The following CDH19 variants were observed in gnomAD, a reference collection of about 807,000 sequenced individuals.
CDH19 encodes the protein cadherin 19.
CDH19 carries 67 observed loss-of-function variants against 64.2 expected under a neutral mutation model. The ratio of observed to expected loss-of-function variants is 1.04; its 90% CI spans 0.86 to 1.28. The LOEUF is 1.28. Among genes scored for constraint, CDH19 ranks in the 50% most tolerant of loss-of-function variants. The probability of loss-of-function intolerance (pLI) is 0.00; values close to 1 mark genes in which losing one functional copy is unlikely to be tolerated. For synonymous variants in CDH19, 346 were observed against 319.3 expected (o/e 1.08, Z -0.89); for missense variants, 1,030 against 929.0 (o/e 1.11, Z -1.41).
intron 11 of CDH19, among the ~76,000 whole-genome samples, chr18:66,508,753 T>TACACACTC (rs143663414): frequency 0.99 from 149,690 of 151,848 alleles, 73,818 homozygotes; most frequent in South Asian, 1. Flanking sequence ...GATGTGTACA[T>TACACACTC]ACATACTCAT....
At position 66,543,973 on chromosome 18, in the gene CDH19, G is replaced by T. The variant is rs1321523236; in HGVS notation, c.1212C>A (p.Ile404=). The stretch of plus-strand genomic sequence containing the variant: ...CAAAACTGACCTTACAGACATACCT[G>T]ATAGGAGATTTCCTATTGTCTGGGT... ...ATDPDNRKSP[I]RYSITRSKVF... Residue 404 remains isoleucine (I), a splice_region_variant and synonymous_variant, in exon 7 of 12, where the codon ATC becomes ATA. Transcript: ENST00000262150. The T allele has an allele frequency of 6.2e-7, 1 of 1,607,418 alleles. No homozygotes were observed. Among genetic ancestry groups the T allele is most frequent in the Admixed American group, 1.7e-5 (1 of 59,662 alleles).
intron 9 of CDH19, among the ~76,000 whole-genome samples, chr18:66,513,060 A>G (rs1253894731): frequency 6.6e-6 from 1 of 151,470 alleles, no homozygotes; most frequent in Admixed American, 6.6e-5. Flanking sequence ...AGGCATATGG[A>G]TATCTTTATA....
intron 1 of CDH19, among the ~76,000 whole-genome samples, chr18:66,574,705 G>C (rs1988214896): frequency 6.6e-6 from 1 of 151,470 alleles, no homozygotes; most frequent in Non-Finnish European, 1.5e-5. Flanking sequence ...CTTAAGCACA[G>C]GTGTTAAAAA....
rs568129713 is a variant in CDH19, at chr18:66,553,443, T to C, written c.610+962A>G. Among the ~76,000 whole-genome samples, 24 of 134,310 alleles carry C rather than the reference T, an allele frequency of 1.8e-4. 10 individuals are homozygous for C. The highest frequency in any genetic ancestry group is 7.5e-4 in the African/African-American group (22 of 29,272). 88.1% of individuals were successfully genotyped at this position (134,310 alleles called of 152,430 possible). A position where few individuals can be genotyped will look rare whatever the true frequency, so the allele number is the denominator to read the frequency against. ...ATTAAGAACATAGGTACTCAAATAA[T>C]ATTTTTTAGAATCTGACTCTCTCAA... On this transcript the variant is annotated intron_variant, in intron 4 of 11. Transcript: ENST00000262150.
At chr18:66,550,797 AG>A (rs1987310819) in intron 5 of CDH19, among the ~76,000 whole-genome samples, 1 of 152,146 alleles carries the variant, frequency 6.6e-6, no homozygotes, top group Non-Finnish European at 1.5e-5. Flanking sequence ...TCCTACAGCA[AG>A]AAATGCCTCC....
At chr18:66,534,693 C>A (rs1320781829) in intron 8 of CDH19, among the ~76,000 whole-genome samples, 2 of 151,688 alleles carry the variant, frequency 1.3e-5, no homozygotes, top group African/African-American at 4.8e-5. Flanking sequence ...AAATCATCCA[C>A]CTAAATAAAC....
intron 1 of CDH19, among the ~76,000 whole-genome samples, chr18:66,586,638 T>C (rs1266198451): frequency 2.0e-5 from 3 of 151,978 alleles, no homozygotes; most frequent in Non-Finnish European, 4.4e-5. Flanking sequence ...GGAGTTAACA[T>C]GGAGAGTTAG....
intron 3 of CDH19, among the ~76,000 whole-genome samples, chr18:66,554,742 C>T (rs953348183): frequency 2.6e-5 from 4 of 151,496 alleles, no homozygotes; most frequent in African/African-American, 9.7e-5. Context: ...TTCCTAATTC[C>T]TGTATGCAAT....
At chr18:66,519,151 A>G (rs181038577) in intron 9 of CDH19, among the ~76,000 whole-genome samples, 1 of 152,306 alleles carries the variant, frequency 6.6e-6, no homozygotes, top group African/African-American at 2.4e-5. Context: ...CTCATCTCCA[A>G]CAGACATTGA....
At chr18:66,600,945 T>G (rs1436676744) in intron 1 of CDH19, among the ~76,000 whole-genome samples, 1 of 151,846 alleles carries the variant, frequency 6.6e-6, no homozygotes, top group Non-Finnish European at 1.5e-5. Context: ...ACGAGTGACA[T>G]TATAGCCCAT....
chr18:66,514,676 A>G (rs28483925), intron 9 of CDH19, among the ~76,000 whole-genome samples: 3,313 of 151,670 alleles, frequency 0.022, 128 homozygotes, highest in African/African-American at 0.074. Flanking sequence ...GACTTTAAAG[A>G]TAATCAGGAG....
chr18:66,596,872 G>A (rs1032358961), intron 1 of CDH19, among the ~76,000 whole-genome samples: 2 of 150,996 alleles, frequency 1.3e-5, no homozygotes, highest in Non-Finnish European at 3.0e-5. Context: ...CACGAGGTCA[G>A]GAGATCGAGA....
intron 3 of CDH19, among the ~76,000 whole-genome samples, chr18:66,556,589 T>C (rs768159836): frequency 5.3e-5 from 8 of 152,008 alleles, no homozygotes; most frequent in East Asian, 1.9e-4. Flanking sequence ...TTGTGGCAAA[T>C]GGTAAGATTT....
At chr18:66,595,155 T>C (rs868569092) in intron 1 of CDH19, among the ~76,000 whole-genome samples, 1 of 151,816 alleles carries the variant, frequency 6.6e-6, no homozygotes, top group Non-Finnish European at 1.5e-5. Flanking sequence ...AATGAAAATA[T>C]AGACACAACA....
chr18:66,579,715 CTG>C (rs1264019836), intron 1 of CDH19, among the ~76,000 whole-genome samples: 1 of 151,940 alleles, frequency 6.6e-6, no homozygotes, highest in African/African-American at 2.4e-5. Context: ...CTTTACAAAA[CTG>C]TTTTTATATT....
At chr18:66,510,380 A>G (rs1461529360) in intron 10 of CDH19, among the ~76,000 whole-genome samples, 1 of 150,424 alleles carries the variant, frequency 6.6e-6, no homozygotes, top group Non-Finnish European at 1.5e-5. Flanking sequence ...TGTATGCTTC[A>G]ATGTATTTAT....
rs957723701 is a variant in CDH19, at chr18:66,503,981, C to T, written c.*831G>A. 1 of 151,858 alleles carries T rather than the reference C, an allele frequency of 6.6e-6. No individual in the cohort carries two copies. The highest frequency in any genetic ancestry group is 1.5e-5 in the Non-Finnish European group (1 of 67,888). 9.4% of individuals were successfully genotyped at this position (151,858 alleles called of 1,614,324 possible). On this transcript the variant is annotated 3_prime_UTR_variant, in exon 12 of 12. Coordinates refer to ENST00000262150, the MANE Select transcript of CDH19 (RefSeq NM_021153.4). The stretch of plus-strand genomic sequence containing the variant: ...CTATATAGTATCAGGAACTTAACCA[C>T]AAAAACATTTTATTCTTACAGTGTG...
chr18:66,598,275 G>A (rs751402355), intron 1 of CDH19, among the ~76,000 whole-genome samples: 6 of 151,960 alleles, frequency 3.9e-5, no homozygotes, highest in African/African-American at 7.3e-5. Context: ...CACTCAACTC[G>A]GCAACCCTAG....
chr18:66,512,554 T>TA (rs1399215341), intron 9 of CDH19, among the ~76,000 whole-genome samples: 1 of 151,530 alleles, frequency 6.6e-6, no homozygotes, highest in Non-Finnish European at 1.5e-5. Context: ...TTCAAAAAAA[T>TA]AGATACATCT....
Sources: allele counts gnomAD v4.1 joint callset (sites outside exome capture counted in the v4.1 genomes callset), GRCh38; gene constraint gnomAD v4.1.1; transcripts MANE v1.5; gene names NCBI Gene and HGNC (gene_info 2026-07-23, HGNC 2026-07-21).